Variants in POM121 observed in about 807,000 individuals in gnomAD.
POM121 encodes nuclear envelope pore membrane protein POM 121.
A neutral mutation model predicts 81.3 loss-of-function variants in POM121; 32 were observed. That is an observed-to-expected ratio of 0.39 (90% CI 0.30 to 0.53). The LOEUF is 0.53. POM121 is among the 20% of genes least tolerant of loss of function. The pLI is 0.66. For synonymous variants in POM121, 514 were observed against 694.2 expected (o/e 0.74, Z 4.08); for missense variants, 1,138 against 1,614.6 (o/e 0.70, Z 5.06).
chr7:72,949,102 C>T, downstream of POM121: 2 of 1,606,168 alleles, frequency 1.2e-6, no homozygotes, highest in South Asian at 1.1e-5. Context: ...GCTCGGCATA[C>T]CTAAGGAAAA....
chr7:72,927,212 C>T (rs1288271943), intron 3 of POM121, among the ~76,000 whole-genome samples: 1 of 152,200 alleles, frequency 6.6e-6, no homozygotes, highest in Non-Finnish European at 1.5e-5. Flanking sequence ...CTATTAGCCA[C>T]GCTACCCTCA....
intron 5 of POM121, among the ~76,000 whole-genome samples, chr7:72,936,507 G>C (rs1796523254): frequency 2.6e-5 from 4 of 152,090 alleles, no homozygotes; most frequent in Admixed American, 6.5e-5. Flanking sequence ...TCAATCTCCT[G>C]ACCTCGTGAT....
At chr7:72,890,172 G>A (rs1791159387) in intron 1 of POM121, among the ~76,000 whole-genome samples, 1 of 152,102 alleles carries the variant, frequency 6.6e-6, no homozygotes, top group African/African-American at 2.4e-5. Context: ...GCTGAAACTA[G>A]GTGAGAGCCC....
intron 3 of POM121, 66 bp from the exon 4 acceptor site, chr7:72,928,319 A>G: frequency 6.3e-7 from 1 of 1,585,202 alleles, no homozygotes. Context: ...CAGAAATATG[A>G]GAATACACTT....
intron 1 of POM121, chr7:72,880,034 G>A: frequency 2.8e-6 from 1 of 353,884 alleles, no homozygotes; most frequent in South Asian, 2.0e-5. Flanking sequence ...CGGCTGCACC[G>A]AACAGGCGCT....
upstream of POM121, among the ~76,000 whole-genome samples, chr7:72,924,243 G>A (rs1795127537): frequency 6.6e-6 from 1 of 152,124 alleles, no homozygotes; most frequent in Non-Finnish European, 1.5e-5. Context: ...ACCGCGCCCG[G>A]CCTGAATTGC....
chr7:72,936,690 G>A (rs1796543173), intron 5 of POM121, among the ~76,000 whole-genome samples: 1 of 152,222 alleles, frequency 6.6e-6, no homozygotes, highest in African/African-American at 2.4e-5. Flanking sequence ...AGGATTACAG[G>A]TGTGAGCCAC....
downstream of POM121, chr7:72,950,216 C>T (rs1797966906): frequency 5.0e-6 from 8 of 1,608,656 alleles, no homozygotes; most frequent in Middle Eastern, 1.8e-4. Flanking sequence ...AAGAACCATT[C>T]ATTCATCATT....
chr7:72,914,281 C>G (rs1439840675), intron 4 of POM121, among the ~76,000 whole-genome samples: 1 of 152,186 alleles, frequency 6.6e-6, no homozygotes, highest in Non-Finnish European at 1.5e-5. Flanking sequence ...ATGATTCCAG[C>G]CCCCTCCCAC....
chr7:72,891,696 T>A lies in POM121; in HGVS notation c.-216+586T>A, dbSNP rs149552603. On this transcript the variant is annotated intron_variant, in intron 3 of 15. Transcript: ENST00000395270. ...TGCTGAGATTACAGTCCTGAGCCAC[T>A]GCTCCCAGCCTTACAGAATTGTTTC... is the stretch of plus-strand genomic sequence containing the variant. Among the ~76,000 whole-genome samples, 259 of 152,320 alleles carry A rather than the reference T, an allele frequency of 1.7e-3. 2 individuals carry two copies. In the Middle Eastern group the frequency reaches 0.02, roughly 12 times the overall value.
In POM121 at chr7:72,926,353, C is replaced by A. The variant is rs781804600; in HGVS notation, c.736C>A (p.Pro246Thr). Residue 246 changes from proline (P) to threonine (T), a missense_variant, in exon 2 of 13, where the codon CCC (proline) becomes ACC (threonine). Physicochemically the swap from Pro to Thr is conservative, Grantham distance 38 (BLOSUM62 -1). This residue lies in a region of POM121 where 646 missense variants were observed against 633.5 expected (regional missense o/e 1.02). Coordinates refer to ENST00000434423, the MANE Select transcript of POM121 (RefSeq NM_001387691.1). ...CCAGTATTCCTGTCTGGGGGTACTT[C>A]CCACCGTGTGCTGGAATGGTTATCA... ...QAQYSCLGVL[P>T]TVCWNGYHKK... 1 of 1,613,702 alleles carries A rather than the reference C, an allele frequency of 6.2e-7. No individual in the cohort carries two copies. Among genetic ancestry groups the A allele is most frequent in the Non-Finnish European group, 8.5e-7 (1 of 1,179,748 alleles).
downstream of POM121, chr7:72,949,363 C>G: frequency 1.2e-6 from 1 of 827,302 alleles, no homozygotes; most frequent in Non-Finnish European, 2.2e-6. Context: ...CTCACGATAG[C>G]GCGGATCTAA....
intron 1 of POM121, among the ~76,000 whole-genome samples, chr7:72,880,388 A>C (rs1469432598): frequency 6.6e-6 from 1 of 152,214 alleles, no homozygotes; most frequent in Non-Finnish European, 1.5e-5. Context: ...TGCTCATAGT[A>C]GAACCCAGGA....
At chr7:72,904,679 C>T (rs781985393) in intron 3 of POM121, among the ~76,000 whole-genome samples, 1 of 152,262 alleles carries the variant, frequency 6.6e-6, no homozygotes, top group Middle Eastern at 3.4e-3. Flanking sequence ...TTGCTTTTTT[C>T]TTGATTCAGT....
Position 72,925,656 on chromosome 7 carries a change from TCCCCACC to T in POM121, c.536_542del (p.Ser179CysfsTer45). 1.4e-5 allele frequency: 12 copies of T among 840,840 alleles called. No individual in the cohort carries two copies. The highest frequency in any genetic ancestry group is 1.7e-5 in the Non-Finnish European group (12 of 723,996). The allele number at this position is 840,840 out of a possible 1,614,324, so 52.1% of individuals were successfully genotyped here. A position where few individuals can be genotyped will look rare whatever the true frequency, so the allele number is the denominator to read the frequency against. The stretch of plus-strand genomic sequence containing the variant: ...GGCGCCGCGCTCCCCACCGCCGCGC[TCCCCACC>T]GCCGCGCTCCCCCCCGCCCTCCCCG... On this transcript the variant is annotated frameshift_variant, in exon 1 of 13. Transcript: ENST00000434423. LOFTEE classifies it high-confidence loss of function.
Position 72,931,667 on chromosome 7 carries a change from T to G in POM121, c.1275+1556T>G, listed in dbSNP as rs180843524. ...CTCACTGCAATCTCCGCTTCCTGAG[T>G]TCAAGCGATTCTCCTGCCTCAGCCT... is the stretch of plus-strand genomic sequence containing the variant. On this transcript the variant is annotated intron_variant, in intron 5 of 12. Coordinates refer to ENST00000434423, the MANE Select transcript of POM121 (RefSeq NM_001387691.1). 5.5e-3 allele frequency among the ~76,000 whole-genome samples: 834 copies of G among 151,492 alleles called. 28 individuals carry two copies. Among genetic ancestry groups the G allele is most frequent in the Admixed American group, 0.048 (735 of 15,166 alleles).
intron 4 of POM121, among the ~76,000 whole-genome samples, chr7:72,915,876 G>A (rs537246031): frequency 6.6e-6 from 1 of 152,252 alleles, no homozygotes; most frequent in South Asian, 2.1e-4. Context: ...AGTAATTTTT[G>A]TATTTTTAGT....
chr7:72,934,947 T>A (rs1796372057), intron 5 of POM121, among the ~76,000 whole-genome samples: 1 of 151,974 alleles, frequency 6.6e-6, no homozygotes, highest in Non-Finnish European at 1.5e-5. Context: ...CTTGATAGAG[T>A]CAGTCATCCC....
chr7:72,948,845 C>G (rs782344070), downstream of POM121: 1 of 1,562,484 alleles, frequency 6.4e-7, no homozygotes, highest in Non-Finnish European at 8.8e-7. Context: ...GGTAAGAGAG[C>G]AGTTCACCCC....
Sources: gnomAD v4.1 joint callset for allele counts (sites outside exome capture counted in the v4.1 genomes callset) on GRCh38, gnomAD v4.1.1 for gene constraint, gnomAD v4.1.1 regional missense constraint, MANE v1.5 for transcripts, NCBI Gene and HGNC (gene_info 2026-07-23, HGNC 2026-07-21) for gene names.